IGSF23: variants seen among roughly 807,000 people sequenced by gnomAD.
IGSF23 encodes immunoglobulin superfamily, member 23.
A neutral mutation model predicts 17.8 loss-of-function variants in IGSF23; 14 were observed. That is an observed-to-expected ratio of 0.79 (90% CI 0.52 to 1.23). The LOEUF (loss-of-function observed/expected upper bound fraction) is 1.23, where lower values mean the gene tolerates loss of function less well. Ranked by LOEUF, IGSF23 falls within the 50% of genes most tolerant of loss-of-function variation. The pLI, the probability that IGSF23 is intolerant of heterozygous loss-of-function variation, is 0.00. For synonymous variants in IGSF23, 85 were observed against 92.5 expected, an observed-to-expected ratio of 0.92 and a Z score of 0.46; for missense variants, 214 against 241.7, an observed-to-expected ratio of 0.89 and a Z score of 0.76.
At chr19:44,620,341 T>TTGTGTGTG (rs373422531) in intron 1 of IGSF23, among the ~76,000 whole-genome samples, 2,064 of 139,346 alleles carry the variant, frequency 0.015, 27 homozygotes, top group East Asian at 0.028. Flanking sequence ...ATGACTAATT[T>TTGTGTGTG]TGTGTGTGTG....
intron 3 of IGSF23, chr19:44,632,518 C>T (rs537822994): frequency 1.3e-4 from 20 of 154,922 alleles, no homozygotes; most frequent in African/African-American, 4.3e-4. Flanking sequence ...TGGCTGCAAC[C>T]GGGGGGTCCT....
chr19:44,620,255 C>T (rs1270751652), intron 1 of IGSF23, among the ~76,000 whole-genome samples: 1 of 152,000 alleles, frequency 6.6e-6, no homozygotes, highest in African/African-American at 2.4e-5. Flanking sequence ...CCCACTTCTG[C>T]ACAGAGGGGT....
chr19:44,623,670 C>A, intron 1 of IGSF23, 37 bp from the exon 2 acceptor site: 1 of 1,544,248 alleles, frequency 6.5e-7, no homozygotes, highest in South Asian at 1.2e-5. Flanking sequence ...TGAGTGGACT[C>A]CACTCTTGTG....
chr19:44,625,338 A>G (rs1180617490), intron 2 of IGSF23, among the ~76,000 whole-genome samples: 2 of 152,226 alleles, frequency 1.3e-5, no homozygotes, highest in Admixed American at 1.3e-4. Context: ...CACTGTTGCA[A>G]TTAGCATTGT....
intron 1 of IGSF23, among the ~76,000 whole-genome samples, chr19:44,619,587 C>T (rs1042688376): frequency 6.6e-6 from 1 of 152,214 alleles, no homozygotes; most frequent in African/African-American, 2.4e-5. Flanking sequence ...AACTTATTCC[C>T]TCACAGTTCT....
intron 1 of IGSF23, among the ~76,000 whole-genome samples, chr19:44,622,666 A>G (rs1270800350): frequency 3.3e-5 from 5 of 152,046 alleles, no homozygotes; most frequent in African/African-American, 4.8e-5. Context: ...CATGGGTCCT[A>G]CTGCACTCAG....
intron 1 of IGSF23, 73 bp from the exon 2 acceptor site, chr19:44,623,634 T>C: frequency 2.2e-6 from 3 of 1,366,866 alleles, no homozygotes; most frequent in East Asian, 2.5e-5. Context: ...GTCTCTATGG[T>C]GGGCAGAAGA....
At chr19:44,614,116 C>A in intron 1 of IGSF23, 1 of 656,524 alleles carries the variant, frequency 1.5e-6, no homozygotes, top group South Asian at 1.6e-5. Flanking sequence ...AGCTCAGGCA[C>A]CCAACTCATG....
chr19:44,636,282 A>G (rs1403098946), intron 4 of IGSF23, 137 bp from the exon 5 acceptor site: 1 of 152,130 alleles, frequency 6.6e-6, no homozygotes, highest in South Asian at 2.1e-4. Context: ...CATTTTTGCA[A>G]TCTACGAAGA....
intron 1 of IGSF23, among the ~76,000 whole-genome samples, chr19:44,615,857 G>C (rs529977144): frequency 1.2e-3 from 141 of 117,214 alleles, no homozygotes; most frequent in African/African-American, 4.4e-3. Flanking sequence ...CTAGGCTGCT[G>C]TAGTTTTGTG....
At chr19:44,626,200 G>A (rs908970594) in intron 2 of IGSF23, among the ~76,000 whole-genome samples, 4 of 152,122 alleles carry the variant, frequency 2.6e-5, no homozygotes, top group Non-Finnish European at 4.4e-5. Context: ...ATGCGTGATG[G>A]GAATCTCAGC....
rs1458749526 is a variant in IGSF23, at chr19:44,635,474, A to G, written c.*31+9A>G. On this transcript the variant is annotated intron_variant, in intron 4 of 4. Transcript: ENST00000402988. ...TCCTGTCAGCTGAAGAGGTAATACC[A>G]GGAAGGGTGTGAAGGAAATCCTAGG... 1 of 1,541,470 alleles carries G rather than the reference A, an allele frequency of 6.5e-7. No individual in the cohort carries two copies. The highest frequency in any genetic ancestry group is 1.2e-5 in the South Asian group (1 of 83,718).
At position 44,618,334 on chromosome 19, in the gene IGSF23, G is replaced by A. The variant is rs552742617; in HGVS notation, c.125+4564G>A. On this transcript the variant is annotated intron_variant, in intron 1 of 4. Coordinates refer to ENST00000402988, the MANE Select transcript of IGSF23 (RefSeq NM_001205280.2). The stretch of plus-strand genomic sequence containing the variant: ...GGCAGCCTGGTCATTAGAAAATGAC[G>A]GCTCAGGACTCGGGCAGCTACACCG... The A allele has an allele frequency of 3.2e-3, 1,228 of 379,072 alleles. 7 individuals are homozygous for A. Among genetic ancestry groups the A allele is most frequent in the African/African-American group, 0.023 (1,113 of 47,584 alleles). 23.5% of individuals were successfully genotyped at this position (379,072 alleles called of 1,614,324 possible). A position where few individuals can be genotyped will look rare whatever the true frequency, so the allele number is the denominator to read the frequency against.
At position 44,625,102 on chromosome 19, in the gene IGSF23, T is replaced by C. The variant is rs534235890; in HGVS notation, c.391+1130T>C. Among the ~76,000 whole-genome samples the C allele has an allele frequency of 3.9e-5, 6 of 152,030 alleles. No homozygotes were observed. The South Asian group carries it at 1.2e-3, about 32-fold the overall frequency. ...ACCATTGTCATCATCTAAGGAGTGG[T>C]TCAAAGCAATGGCTTTGGAATTTGA... On this transcript the variant is annotated intron_variant, in intron 2 of 4. Coordinates refer to ENST00000402988, the MANE Select transcript of IGSF23 (RefSeq NM_001205280.2).
chr19:44,619,399 A>G (rs1267615261), intron 1 of IGSF23, among the ~76,000 whole-genome samples: 2 of 152,222 alleles, frequency 1.3e-5, no homozygotes, highest in African/African-American at 4.8e-5. Flanking sequence ...GGAAAGGTAG[A>G]GAAGGTCTGG....
At chr19:44,621,639 GAAT>G (rs1341894635) in intron 1 of IGSF23, among the ~76,000 whole-genome samples, 2 of 151,934 alleles carry the variant, frequency 1.3e-5, no homozygotes, top group East Asian at 3.9e-4. Context: ...AAAAAAAAAG[GAAT>G]AATAATAATT....
intron 3 of IGSF23, 53 bp from the exon 4 acceptor site, chr19:44,635,348 T>TTCTCTC (rs138387848): frequency 1.9e-5 from 19 of 977,664 alleles, no homozygotes; most frequent in Middle Eastern, 2.3e-4. Context: ...ATGATTCTTA[T>TTCTCTC]TCTCTCTCTC....
chr19:44,618,308 A>G, intron 1 of IGSF23: 1 of 397,914 alleles, frequency 2.5e-6, no homozygotes, highest in Non-Finnish European at 5.1e-6. Flanking sequence ...TGGGAACCCA[A>G]GGCAGCCTGG....
chr19:44,623,210 G>A (rs1326392261), intron 1 of IGSF23, among the ~76,000 whole-genome samples: 1 of 152,198 alleles, frequency 6.6e-6, no homozygotes, highest in Non-Finnish European at 1.5e-5. Context: ...GAACTCGAGA[G>A]TGGGGAAGTT....
Sources: gnomAD v4.1 joint callset for allele counts (sites outside exome capture counted in the v4.1 genomes callset) on GRCh38, gnomAD v4.1.1 for gene constraint, MANE v1.5 for transcripts, NCBI Gene and HGNC (gene_info 2026-07-23, HGNC 2026-07-21) for gene names.